GALNT13: variants seen among roughly 807,000 people sequenced by gnomAD.
GALNT13 encodes the protein UDP-GalNAc:polypeptide N-acetylgalactosaminyltransferase 13.
In GALNT13, 28 loss-of-function variants were observed where a neutral mutation model predicts 64.2. The observed-to-expected ratio is 0.44, with a 90% CI of 0.32 to 0.60. The LOEUF is 0.60. Among genes scored for constraint, GALNT13 ranks in the 20% least tolerant of loss-of-function variants. The pLI is 0.05. For synonymous variants in GALNT13, 214 were observed against 224.6 expected (o/e 0.95, Z 0.42); for missense variants, 577 against 669.8 (o/e 0.86, Z 1.53).
At chr2:154,105,609 T>C (rs1702572134) in intron 3 of GALNT13, among the ~76,000 whole-genome samples, 1 of 152,240 alleles carries the variant, frequency 6.6e-6, no homozygotes, top group Admixed American at 6.5e-5. Context: ...TAATGACACA[T>C]TTGTCAGAAT....
rs1262602848 is a variant in GALNT13 at position 153,979,848 on chromosome 2, AG to A, written c.142+35210del. Among the ~76,000 whole-genome samples the A allele has an allele frequency of 2.0e-5, 3 of 152,310 alleles. No individual in the cohort carries two copies. The East Asian group carries it at 5.8e-4, about 29-fold the overall frequency. ...ATTAAAATGTTTAAGCCTCGTCAAA[AG>A]TCTGTGAGAACCAAATGAAAGGTAG... On this transcript the variant is annotated intron_variant, in intron 3 of 12. Transcript: ENST00000392825.
the GALNT13 span, among the ~76,000 whole-genome samples, chr2:153,855,974 C>T: frequency 1.3e-5 from 2 of 152,102 alleles, no homozygotes; most frequent in Admixed American, 6.5e-5. Context: ...CACAAATGAT[C>T]GCACAGTGTT....
the GALNT13 span, among the ~76,000 whole-genome samples, chr2:153,095,650 A>G: frequency 6.6e-6 from 1 of 152,194 alleles, no homozygotes; most frequent in Non-Finnish European, 1.5e-5. Context: ...ATGTCCATCA[A>G]TGATAGACTG....
chr2:153,828,269 C>T, the GALNT13 span, among the ~76,000 whole-genome samples: 1 of 152,224 alleles, frequency 6.6e-6, no homozygotes, highest in African/African-American at 2.4e-5. Flanking sequence ...TGTGTTGGGG[C>T]TCCAACCCCA....
At chr2:154,054,516 A>T (rs1382459559) in intron 3 of GALNT13, among the ~76,000 whole-genome samples, 1 of 152,066 alleles carries the variant, frequency 6.6e-6, no homozygotes, top group Non-Finnish European at 1.5e-5. Context: ...GCCTTTACTT[A>T]AGAAACCTAA....
At chr2:153,227,873 G>A in the GALNT13 span, among the ~76,000 whole-genome samples, 1 of 152,198 alleles carries the variant, frequency 6.6e-6, no homozygotes, top group Non-Finnish European at 1.5e-5. Context: ...GTTGGCTCAT[G>A]TAGAATAAAT....
the GALNT13 span, among the ~76,000 whole-genome samples, chr2:153,077,071 C>T: frequency 3.9e-5 from 6 of 152,090 alleles, no homozygotes; most frequent in African/African-American, 1.4e-4. Flanking sequence ...CCTGCCTCAG[C>T]CTCCCGAGTA....
At chr2:154,251,918 G>A (rs1327004257) in intron 7 of GALNT13, among the ~76,000 whole-genome samples, 1 of 151,842 alleles carries the variant, frequency 6.6e-6, no homozygotes, top group East Asian at 1.9e-4. Context: ...AAAGCCATTA[G>A]ATTTTATAAT....
At chr2:153,224,340 G>A in the GALNT13 span, among the ~76,000 whole-genome samples, 1 of 151,944 alleles carries the variant, frequency 6.6e-6, no homozygotes, top group Non-Finnish European at 1.5e-5. Flanking sequence ...GGGGAAGGGG[G>A]TGGGGAGGAG....
At chr2:153,082,612 TATATATACACAC>T in the GALNT13 span, among the ~76,000 whole-genome samples, 15 of 38,776 alleles carry the variant, frequency 3.9e-4, no homozygotes, top group East Asian at 1.4e-3. Context: ...TATATATATA[TATATATACACAC>T]ACACACACAC....
the GALNT13 span, among the ~76,000 whole-genome samples, chr2:153,813,524 T>C: frequency 8.3e-6 from 1 of 121,166 alleles, no homozygotes; most frequent in African/African-American, 2.8e-5. Flanking sequence ...ACATACCTTA[T>C]CTCATTTTTT....
chr2:153,644,792 A>G, the GALNT13 span, among the ~76,000 whole-genome samples: 3 of 152,018 alleles, frequency 2.0e-5, no homozygotes, highest in Admixed American at 6.6e-5. Flanking sequence ...AAAATTCTAG[A>G]TTCAGATAGG....
the GALNT13 span, among the ~76,000 whole-genome samples, chr2:153,101,277 A>G: frequency 1.3e-5 from 2 of 152,080 alleles, no homozygotes; most frequent in South Asian, 4.1e-4. Context: ...AAAAATTCTC[A>G]AGTGTACCTA....
chr2:153,747,730 T>C, the GALNT13 span, among the ~76,000 whole-genome samples: 1 of 151,990 alleles, frequency 6.6e-6, no homozygotes, highest in Non-Finnish European at 1.5e-5. Flanking sequence ...CCTGACCCAA[T>C]TGTTTTGGTT....
chr2:154,187,357 GAGAT>G (rs1686308264), intron 4 of GALNT13, among the ~76,000 whole-genome samples: 1 of 140,502 alleles, frequency 7.1e-6, no homozygotes, highest in African/African-American at 2.6e-5. Flanking sequence ...GAGTAAGAAA[GAGAT>G]AGGAGAAAAC....
At chr2:153,356,786 CCTCTTT>C in the GALNT13 span, among the ~76,000 whole-genome samples, 19 of 32,828 alleles carry the variant, frequency 5.8e-4, 3 homozygotes, top group Non-Finnish European at 9.1e-4. Flanking sequence ...TTTTCTTCTT[CCTCTTT>C]TTTTTTTTTT....
chr2:154,372,441 A>G (rs1217262432), intron 9 of GALNT13, among the ~76,000 whole-genome samples: 1 of 152,144 alleles, frequency 6.6e-6, no homozygotes, highest in Non-Finnish European at 1.5e-5. Context: ...CTATTAAGAA[A>G]TAAGTTTGCA....
intron 3 of GALNT13, among the ~76,000 whole-genome samples, chr2:153,947,538 T>C (rs1162272086): frequency 2.0e-5 from 3 of 151,926 alleles, no homozygotes; most frequent in African/African-American, 4.8e-5. Flanking sequence ...GGTTTTTTTT[T>C]CTTGTAAATT....
chr2:153,339,046 C>T, the GALNT13 span, among the ~76,000 whole-genome samples: 18 of 152,224 alleles, frequency 1.2e-4, no homozygotes, highest in Non-Finnish European at 2.1e-4. Context: ...AGGTTGATTC[C>T]GTATCTTGGC....
Sources: gnomAD v4.1 joint callset for allele counts (sites outside exome capture counted in the v4.1 genomes callset) on GRCh38, gnomAD v4.1.1 for gene constraint, MANE v1.5 for transcripts, NCBI Gene and HGNC (gene_info 2026-07-23, HGNC 2026-07-21) for gene names.